The following FOCAD variants were observed in gnomAD, a reference collection of about 807,000 sequenced individuals.
FOCAD encodes focadhesin.
A neutral mutation model predicts 225.6 loss-of-function variants in FOCAD; 198 were observed. That is an observed-to-expected ratio of 0.88 (90% confidence interval 0.78 to 0.99). FOCAD has a LOEUF of 0.99. Among genes scored for constraint, FOCAD ranks in the 50% least tolerant of loss-of-function variants. FOCAD has a pLI of 0.00. For missense variants in FOCAD, 2,713 were observed against 2,123.6 expected (o/e 1.28, Z -5.46); for synonymous variants, 897 against 755.0 (o/e 1.19, Z -3.08).
At chr9:20,962,075 A>G (rs182845111) in intron 35 of FOCAD, among the ~76,000 whole-genome samples, 9 of 152,262 alleles carry the variant, frequency 5.9e-5, no homozygotes, top group Admixed American at 2.6e-4. Flanking sequence ...GACTTAGTGT[A>G]GAAAAAAATC....
At chr9:20,753,421 G>A (rs1423018922) in intron 5 of FOCAD, among the ~76,000 whole-genome samples, 1 of 151,958 alleles carries the variant, frequency 6.6e-6, no homozygotes, top group Non-Finnish European at 1.5e-5. Context: ...AGATAATCAT[G>A]TGGTTTTTGT....
intron 19 of FOCAD, 102 bp from the exon 20 acceptor site, chr9:20,881,769 C>T (rs1032778612): frequency 1.1e-5 from 13 of 1,197,788 alleles, no homozygotes; most frequent in African/African-American, 4.6e-5. Context: ...AAGGTTTGGC[C>T]AGAAATGTAG....
At chr9:20,963,138 G>C in intron 35 of FOCAD, among the ~76,000 whole-genome samples, 1 of 152,074 alleles carries the variant, frequency 6.6e-6, no homozygotes, top group East Asian at 1.9e-4. Context: ...AAAATTTTTT[G>C]TGAGTGTAGT....
chr9:20,963,082 C>G (rs950256704), intron 35 of FOCAD, among the ~76,000 whole-genome samples: 1 of 152,140 alleles, frequency 6.6e-6, no homozygotes. Flanking sequence ...TACTATAGTT[C>G]CTCTCATTCC....
At chr9:20,791,718 A>G (rs1178094585) in intron 11 of FOCAD, among the ~76,000 whole-genome samples, 1 of 152,178 alleles carries the variant, frequency 6.6e-6, no homozygotes, top group African/African-American at 2.4e-5. Context: ...TCATGATGGG[A>G]TAATGGGGCA....
intron 4 of FOCAD, among the ~76,000 whole-genome samples, chr9:20,727,299 G>A (rs1004358339): frequency 6.6e-6 from 1 of 151,952 alleles, no homozygotes; most frequent in African/African-American, 2.4e-5. Context: ...TTTTAAGTTA[G>A]TTGATCTGGT....
chr9:20,802,553 T>C (rs1224562761), intron 11 of FOCAD, among the ~76,000 whole-genome samples: 2 of 152,174 alleles, frequency 1.3e-5, no homozygotes, highest in Non-Finnish European at 2.9e-5. Flanking sequence ...CTTTGGTATG[T>C]GTGTTGTTGA....
At chr9:20,661,042 G>A (rs1821703279) in intron 2 of FOCAD, among the ~76,000 whole-genome samples, 2 of 152,100 alleles carry the variant, frequency 1.3e-5, no homozygotes, top group Non-Finnish European at 2.9e-5. Context: ...ATTTGAGAAG[G>A]GATGTTTTAG....
chr9:20,827,504 G>T (rs529890005), intron 15 of FOCAD, among the ~76,000 whole-genome samples: 24 of 152,076 alleles, frequency 1.6e-4, no homozygotes, highest in Non-Finnish European at 1.2e-4. Context: ...GTGTGTGTGT[G>T]TGTGTGTTTG....
intron 21 of FOCAD, among the ~76,000 whole-genome samples, chr9:20,892,087 A>C (rs949093502): frequency 2.6e-5 from 4 of 152,170 alleles, no homozygotes; most frequent in African/African-American, 9.7e-5. Flanking sequence ...TGGTTTACTG[A>C]ATATTTTAAT....
In FOCAD at chr9:20,676,146, A is replaced by G. The variant is rs149812065; in HGVS notation, c.-78+17320A>G. 2.2e-3 allele frequency among the ~76,000 whole-genome samples: 341 copies of G among 152,328 alleles called. 1 individual carries two copies. Among genetic ancestry groups the G allele is most frequent in the African/African-American group, 7.5e-3 (313 of 41,580 alleles). On this transcript the variant is annotated intron_variant, in intron 2 of 45. Transcript: ENST00000380249. ...GACTTAAAGCCCATTGTTACTTACT[A>G]TGCTGTTCATCAGCAGGTAATTTGC...
rs1263146536 is a variant in FOCAD, at chr9:20,911,486, A to C, written c.2719-1380A>C. The stretch of plus-strand genomic sequence containing the variant: ...GACCTCTTACTCCATGAGATTATAC[A>C]GATAAAAATATGAATTATTTCAGGA... On this transcript the variant is annotated intron_variant, in intron 22 of 43. Transcript: ENST00000338382. 2.6e-5 allele frequency among the ~76,000 whole-genome samples: 4 copies of C among 152,198 alleles called. No individual in the cohort carries two copies. In the East Asian group the frequency reaches 7.7e-4, roughly 29 times the overall value.
chr9:20,708,822 A>C (rs1278599794), intron 1 of FOCAD, among the ~76,000 whole-genome samples: 1 of 151,898 alleles, frequency 6.6e-6, no homozygotes. Context: ...AGTTTCAGCC[A>C]TATGACTGCC....
At chr9:20,846,954 G>A (rs1827174848) in intron 15 of FOCAD, among the ~76,000 whole-genome samples, 1 of 152,048 alleles carries the variant, frequency 6.6e-6, no homozygotes, top group African/African-American at 2.4e-5. Context: ...GGAGACTGAG[G>A]GTCACATAGC....
At position 20,770,010 on chromosome 9, in the gene FOCAD, A is replaced by T. The variant is rs773183965; in HGVS notation, c.700-22A>T. Reference sequence around the variant, plus strand: ...TTTGGTTTGTGTATTTTTTAATATCATATAATGACTTTTTTAAACAGGTAA... The same window carrying T: ...TTTGGTTTGTGTATTTTTTAATATCTTATAATGACTTTTTTAAACAGGTAA... On this transcript the variant is annotated intron_variant, in intron 7 of 43. Transcript: ENST00000338382. 5 of 1,593,834 alleles carry T rather than the reference A, an allele frequency of 3.1e-6. No homozygotes were observed. In the African/African-American group the frequency reaches 5.4e-5, roughly 17 times the overall value.
intron 10 of FOCAD, among the ~76,000 whole-genome samples, chr9:20,784,926 CTTTCT>C (rs1563986806): frequency 4.0e-5 from 6 of 150,692 alleles, no homozygotes; most frequent in Non-Finnish European, 3.0e-5. Flanking sequence ...TCTTTTCTTT[CTTTCT>C]TTTTTTTTTT....
At chr9:20,884,725 T>C (rs964512963) in intron 20 of FOCAD, among the ~76,000 whole-genome samples, 1 of 152,170 alleles carries the variant, frequency 6.6e-6, no homozygotes, top group Non-Finnish European at 1.5e-5. Flanking sequence ...CCAGATTGAT[T>C]ATCAGTTACT....
At chr9:20,986,150 G>A in intron 39 of FOCAD, 138 bp from the exon 40 acceptor site, 1 of 746,002 alleles carries the variant, frequency 1.3e-6, no homozygotes, top group Non-Finnish European at 2.0e-6. Context: ...CACACAGGCA[G>A]ATGGGTCATG....
At chr9:20,715,897 A>C (rs376704277) in intron 2 of FOCAD, among the ~76,000 whole-genome samples, 4 of 152,202 alleles carry the variant, frequency 2.6e-5, no homozygotes, top group African/African-American at 9.6e-5. Context: ...GAGCTTTTCA[A>C]TAATTAAATA....
Sources: gnomAD v4.1 joint callset for allele counts (sites outside exome capture counted in the v4.1 genomes callset) on GRCh38, gnomAD v4.1.1 for gene constraint, MANE v1.5 for transcripts, NCBI Gene and HGNC (gene_info 2026-07-23, HGNC 2026-07-21) for gene names.